Variants in DNAH17 observed in about 807,000 individuals in gnomAD.
DNAH17 encodes axonemal beta dynein heavy chain 17.
A neutral mutation model predicts 485.6 loss-of-function variants in DNAH17; 376 were observed. That is an observed-to-expected ratio of 0.77 (90% CI 0.71 to 0.84). The LOEUF (loss-of-function observed/expected upper bound fraction) is 0.84, where lower values mean the gene tolerates loss of function less well. DNAH17 is among the 40% of genes least tolerant of loss of function. DNAH17 has a pLI of 0.00. For synonymous variants in DNAH17, 3,031 were observed against 2,405.9 expected, an observed-to-expected ratio of 1.26 and a Z score of -7.60; for missense variants, 6,370 against 5,839.3, an observed-to-expected ratio of 1.09 and a Z score of -2.96.
chr17:78,453,123 A>C (rs945184034), intron 65 of DNAH17, among the ~76,000 whole-genome samples: 1 of 152,192 alleles, frequency 6.6e-6, no homozygotes, highest in African/African-American at 2.4e-5. Flanking sequence ...ATCACTGATA[A>C]AATGTTGGCG....
At position 78,484,933 on chromosome 17, in the gene DNAH17, C is replaced by A; in HGVS notation, c.7584G>T (p.Glu2528Asp). The change falls in exon 48 of 81, where the codon GAG (glutamate) becomes GAT (aspartate). Residue 2528 changes from glutamate to aspartate, a missense_variant. Physicochemically the swap from Glu to Asp is conservative, Grantham distance 45. Coordinates refer to ENST00000389840, the MANE Select transcript of DNAH17 (RefSeq NM_173628.4). ...VYFIDDMNMP[E>D]VDKYGTVAPH... Reference sequence around the variant, plus strand: ...GGGCCACCGTCCCATACTTGTCCACCTCGGGCATGTTCATGTCGTCGATGA... The same window carrying A: ...GGGCCACCGTCCCATACTTGTCCACATCGGGCATGTTCATGTCGTCGATGA... 1 of 1,608,950 alleles carries A rather than the reference C, an allele frequency of 6.2e-7. No homozygotes were observed.
chr17:78,520,323 G>C lies in DNAH17; in HGVS notation c.3864+4686C>G, dbSNP rs142269160. On this transcript the variant is annotated intron_variant, in intron 25 of 80. Transcript: ENST00000389840. Reference sequence around the variant, plus strand: ...TAGATTGGGAACAATGCAAGGATGTGTGAACTCACCACTCTTATTCAACAG... The same window carrying C: ...TAGATTGGGAACAATGCAAGGATGTCTGAACTCACCACTCTTATTCAACAG... 9.2e-4 allele frequency among the ~76,000 whole-genome samples: 140 copies of C among 152,322 alleles called. 1 individual carries two copies. Among genetic ancestry groups the C allele is most frequent in the African/African-American group, 3.2e-3 (131 of 41,554 alleles).
Position 78,475,571 on chromosome 17 carries a change from G to A in DNAH17, c.8319+98C>T, listed in dbSNP as rs1246108245. The A allele has an allele frequency of 6.9e-6, 11 of 1,593,876 alleles. No individual in the cohort carries two copies. The Admixed American group carries it at 1.5e-4, about 22-fold the overall frequency. ...TGCTGAGGTGTGCACTGTGTGCCAC[G>A]CAGCCCCACACAATGCCACTCGGAT... On this transcript the variant is annotated intron_variant, in intron 53 of 80. Transcript: ENST00000389840.
intron 57 of DNAH17, 84 bp downstream of exon 57, chr17:78,462,759 GC>G (rs1164117096): frequency 7.3e-7 from 1 of 1,365,412 alleles, no homozygotes; most frequent in Non-Finnish European, 1.0e-6. Context: ...AGTGTGACCA[GC>G]CCGTGGATGC....
chr17:78,447,714 T>C (rs1451240034), intron 69 of DNAH17, among the ~76,000 whole-genome samples: 1 of 152,170 alleles, frequency 6.6e-6, no homozygotes, highest in Non-Finnish European at 1.5e-5. Context: ...GAACCTATGA[T>C]TCAGAGATTC....
At chr17:78,439,406 A>T (rs1341006942) in intron 72 of DNAH17, among the ~76,000 whole-genome samples, 189 bp from the exon 73 acceptor site, 3 of 152,092 alleles carry the variant, frequency 2.0e-5, no homozygotes, top group Non-Finnish European at 4.4e-5. Context: ...CAGTATATTC[A>T]CAATGCTGTG....
chr17:78,437,556 T>TC, intron 74 of DNAH17, 85 bp downstream of exon 74: 1 of 1,038,042 alleles, frequency 9.6e-7, no homozygotes, highest in Non-Finnish European at 1.4e-6. Context: ...TTCAGAGCGG[T>TC]CCTCAGTGGT....
At chr17:78,546,975 C>T (rs1012091609) in intron 16 of DNAH17, among the ~76,000 whole-genome samples, 1 of 152,222 alleles carries the variant, frequency 6.6e-6, no homozygotes, top group Middle Eastern at 3.4e-3. Flanking sequence ...TGGTTAACTT[C>T]CCTGCCCCAA....
Position 78,426,963 on chromosome 17 carries a change from A to T in DNAH17, c.12734T>A (p.Met4245Lys). The T allele has an allele frequency of 6.2e-7, 1 of 1,610,476 alleles. No homozygotes were observed. ...CERMNILTNE[M>K]RRSLKELNLG... ...GTTCAGCTCCTTGAGCGAACGGCGC[A>T]TTTCGTTGGTCAGGATGTTCATTCT... Residue 4245 changes from methionine to lysine, a missense_variant, in exon 78 of 81, where the codon ATG (methionine) becomes AAG (lysine). Met to Lys is a moderately conservative substitution (Grantham distance 95, BLOSUM62 -1). Coordinates refer to ENST00000389840, the MANE Select transcript of DNAH17 (RefSeq NM_173628.4).
chr17:78,481,844 A>G (rs1032823671), intron 48 of DNAH17, among the ~76,000 whole-genome samples: 2 of 151,960 alleles, frequency 1.3e-5, no homozygotes, highest in African/African-American at 4.8e-5. Flanking sequence ...GTGAAACCCC[A>G]TCTCTACTAA....
At chr17:78,437,401 G>A (rs1468564214) in intron 74 of DNAH17, among the ~76,000 whole-genome samples, 1 of 152,230 alleles carries the variant, frequency 6.6e-6, no homozygotes, top group Non-Finnish European at 1.5e-5. Context: ...TAAAAACTAT[G>A]TGTTTCTGCA....
rs1200289565 is a variant in DNAH17, at chr17:78,484,966, G to A, written c.7551C>T (p.Leu2517=). Residue 2517 remains leucine, a synonymous_variant, in exon 48 of 81, where the codon CTC becomes CTT. Coordinates refer to ENST00000389840, the MANE Select transcript of DNAH17 (RefSeq NM_173628.4). ...RNYGPPGTKK[L]VYFIDDMNMP... ...TGTTCATGTCGTCGATGAAGTAGAC[G>A]AGCTTCTTAGTGCCTGGCGGCCCGT... 2 of 1,613,298 alleles carry A rather than the reference G, an allele frequency of 1.2e-6. No homozygotes were observed. Among genetic ancestry groups the A allele is most frequent in the South Asian group, 1.1e-5 (1 of 90,916 alleles).
At chr17:78,553,611 C>T (rs1042075112) in intron 14 of DNAH17, among the ~76,000 whole-genome samples, 3 of 152,254 alleles carry the variant, frequency 2.0e-5, no homozygotes, top group Admixed American at 2.0e-4. Context: ...CAGCCTAATA[C>T]ACCAACAAAG....
chr17:78,501,774 G>A lies in DNAH17; in HGVS notation c.5290C>T (p.Arg1764Trp), dbSNP rs773176001. The A allele has an allele frequency of 9.3e-6, 15 of 1,613,708 alleles. No homozygotes were observed. The highest frequency in any genetic ancestry group is 1.2e-5 in the Non-Finnish European group (14 of 1,179,890). ...ACGATCATTTTGGCCACCACGTCCC[G>A]TGCGTGCACATCGATGGTGCAGATG... The part of the protein sequence containing the change: ...MTICTIDVHA[R>W]DVVAKMIVAK... Residue 1764 changes from arginine to tryptophan, a missense_variant, in exon 34 of 81, where the codon CGG becomes TGG. Transcript: ENST00000389840.
rs369159559 is a variant in DNAH17 at position 78,520,481 on chromosome 17, TAA to T, written c.3864+4526_3864+4527del. ...CTATGTACAAAATCCCTAAGGAGTCTAAAAAAGCCATCCTAGAACTAGTAAGT... is the reference window on the plus strand; with the variant it reads ...CTATGTACAAAATCCCTAAGGAGTCTAAAAGCCATCCTAGAACTAGTAAGT... On this transcript the variant is annotated intron_variant, in intron 25 of 80. Coordinates refer to ENST00000389840, the MANE Select transcript of DNAH17 (RefSeq NM_173628.4). Among the ~76,000 whole-genome samples, 1,081 of 152,282 alleles carry T rather than the reference TAA, an allele frequency of 7.1e-3. 24 individuals are homozygous for T. Among genetic ancestry groups the T allele is most frequent in the African/African-American group, 0.023 (968 of 41,546 alleles).
chr17:78,566,909 G>T (rs935731725), intron 10 of DNAH17, 90 bp downstream of exon 10: 2 of 1,459,138 alleles, frequency 1.4e-6, no homozygotes, highest in Non-Finnish European at 1.8e-6. Context: ...TGCTTCCTCC[G>T]TGTGCCCTCC....
chr17:78,558,019 G>C, intron 14 of DNAH17, 89 bp downstream of exon 14: 1 of 1,434,172 alleles, frequency 7.0e-7, no homozygotes, highest in Non-Finnish European at 9.4e-7. Flanking sequence ...CCCAGGAAGA[G>C]CCACATCTCT....
chr17:78,476,746 C>G lies in DNAH17; in HGVS notation c.7993-13G>C. On this transcript the variant is annotated splice_polypyrimidine_tract_variant and intron_variant, in intron 51 of 80. Transcript: ENST00000389840. The stretch of plus-strand genomic sequence containing the variant: ...AAAATAAGAGTCCCTGCCCCAAACA[C>G]AGGATGATCAGCACCGTCAGCTGTT... 1.2e-6 allele frequency: 2 copies of G among 1,609,468 alleles called. No homozygotes were observed. Among genetic ancestry groups the G allele is most frequent in the Non-Finnish European group, 1.7e-6 (2 of 1,177,856 alleles).
chr17:78,551,390 C>G, intron 16 of DNAH17, 145 bp downstream of exon 16: 1 of 670,908 alleles, frequency 1.5e-6, no homozygotes, highest in Non-Finnish European at 2.6e-6. Flanking sequence ...CTGATATCAT[C>G]CTACCGGTGG....
Sources: gnomAD v4.1 joint callset for allele counts (sites outside exome capture counted in the v4.1 genomes callset) on GRCh38, gnomAD v4.1.1 for gene constraint, MANE v1.5 for transcripts, NCBI Gene and HGNC (gene_info 2026-07-23, HGNC 2026-07-21) for gene names.